Variants in SNX32 observed in about 807,000 individuals in gnomAD.
SNX32 encodes sorting nexin-32.
SNX32 carries 58 observed loss-of-function variants against 57.0 expected under a neutral mutation model. The observed-to-expected ratio is 1.02, with a 90% CI of 0.82 to 1.27. The LOEUF is 1.27. Ranked by LOEUF, SNX32 falls within the 50% of genes most tolerant of loss-of-function variation. The pLI, the probability that SNX32 is intolerant of heterozygous loss-of-function variation, is 0.00. For synonymous variants in SNX32, 262 were observed against 220.4 expected, an observed-to-expected ratio of 1.19 and a Z score of -1.67; for missense variants, 589 against 541.2, an observed-to-expected ratio of 1.09 and a Z score of -0.88.
chr11:65,852,584 C>A (rs376064835), intron 10 of SNX32, 33 bp downstream of exon 10: 1 of 1,613,984 alleles, frequency 6.2e-7, no homozygotes. Context: ...CGCTCAGGCC[C>A]GGATGCCAGG....
At position 65,839,223 on chromosome 11, in the gene SNX32, GTATTTT is replaced by G. The variant is rs1414367202; in HGVS notation, c.36+5124_36+5129del. Among the ~76,000 whole-genome samples the G allele has an allele frequency of 7.4e-4, 17 of 23,078 alleles. 3 individuals are homozygous for G. Among genetic ancestry groups the G allele is most frequent in the East Asian group, 1.7e-3 (1 of 606 alleles). 15.1% of individuals were successfully genotyped at this position (23,078 alleles called of 152,430 possible). The stretch of plus-strand genomic sequence containing the variant: ...CCCACCACGCCCAGCTAATTTTTTT[GTATTTT>G]TTTTTTTTTTTTTTTTTTGAGACGG... On this transcript the variant is annotated intron_variant, in intron 1 of 12. Transcript: ENST00000308342.
chr11:65,842,784 T>C (rs1858877425), intron 1 of SNX32, among the ~76,000 whole-genome samples: 1 of 150,336 alleles, frequency 6.7e-6, no homozygotes, highest in South Asian at 2.1e-4. Context: ...ACCCCGTCTC[T>C]ACTAAAAATA....
intron 8 of SNX32, 64 bp downstream of exon 8, chr11:65,851,467 G>A (rs949429279): frequency 3.8e-6 from 6 of 1,581,546 alleles, no homozygotes; most frequent in Admixed American, 1.7e-5. Flanking sequence ...CCCATGAGGG[G>A]TCACTCTGTA....
chr11:65,853,700 AAGG>A (rs1565257283), exon 13 of SNX32: 1 of 303,342 alleles, frequency 3.3e-6, no homozygotes, highest in Non-Finnish European at 6.3e-6. Context: ...GTTTTGTAGC[AAGG>A]AGGCCTGTTG....
At chr11:65,839,424 T>C (rs1213885979) in intron 1 of SNX32, among the ~76,000 whole-genome samples, 1 of 146,660 alleles carries the variant, frequency 6.8e-6, no homozygotes, top group African/African-American at 2.6e-5. Flanking sequence ...AGAGACGGGG[T>C]TTCACCGTTT....
At chr11:65,841,192 C>T (rs60917081) in intron 1 of SNX32, among the ~76,000 whole-genome samples, 3,582 of 150,130 alleles carry the variant, frequency 0.024, 141 homozygotes, top group African/African-American at 0.079. Flanking sequence ...GTGATCCACC[C>T]GCCTCGGCCT....
rs1555032605 is a variant in SNX32 at position 65,839,215 on chromosome 11, A to ATTTTTTTTTTTTTTTTTTTTTT, written c.36+5121_36+5122insTTTTTTTTTTTTTTTTTTTTTT. Among the ~76,000 whole-genome samples the ATTTTTTTTTTTTTTTTTTTTTT allele has an allele frequency of 3.1e-4, 6 of 19,530 alleles. 1 individual carries two copies. The highest frequency in any genetic ancestry group is 6.0e-4 in the Non-Finnish European group (5 of 8,378). The allele number at this position is 19,530 out of a possible 152,430, so 12.8% of individuals were successfully genotyped here. A position where few individuals can be genotyped will look rare whatever the true frequency, so the allele number is the denominator to read the frequency against. On this transcript the variant is annotated intron_variant, in intron 1 of 12. Transcript: ENST00000308342. ...AGCTGTGCCCCACCACGCCCAGCTAATTTTTTTGTATTTTTTTTTTTTTTT... is the reference window on the plus strand; with the variant it reads ...AGCTGTGCCCCACCACGCCCAGCTAATTTTTTTTTTTTTTTTTTTTTTTTTTTTTGTATTTTTTTTTTTTTTT...
rs1859133079 is a variant in SNX32, at chr11:65,850,251, G to A, written c.354G>A (p.Lys118=). The A allele has an allele frequency of 6.2e-7, 1 of 1,614,118 alleles. No individual in the cohort carries two copies. Among genetic ancestry groups the A allele is most frequent in the African/African-American group, 1.3e-5 (1 of 74,940 alleles). The stretch of plus-strand genomic sequence containing the variant: ...CTGTCACTCGGGAAGAGTTTGCCAA[G>A]ATGAAGCAGGAGCTGGAAGCGTGAG... ...DSSVTREEFA[K]MKQELEAEYL... is the part of the protein sequence containing the mutation. Residue 118 remains lysine, a synonymous_variant, in exon 4 of 13, where the codon AAG becomes AAA. Transcript: ENST00000308342.
intron 1 of SNX32, among the ~76,000 whole-genome samples, chr11:65,842,644 C>G (rs1858872116): frequency 1.3e-5 from 2 of 151,626 alleles, no homozygotes; most frequent in African/African-American, 4.9e-5. Flanking sequence ...CAAAGCAAGA[C>G]TCCATCTCAA....
chr11:65,847,648 ACCTGTAATCCC>A (rs1418002390), intron 1 of SNX32, among the ~76,000 whole-genome samples: 5 of 152,036 alleles, frequency 3.3e-5, no homozygotes, highest in Non-Finnish European at 5.9e-5. Flanking sequence ...AGTGGCTCAC[ACCTGTAATCCC>A]AGCACCTTGG....
At chr11:65,845,458 C>T (rs1221244254) in intron 1 of SNX32, among the ~76,000 whole-genome samples, 2 of 150,900 alleles carry the variant, frequency 1.3e-5, no homozygotes, top group African/African-American at 4.9e-5. Context: ...AAAAAGTAAC[C>T]GGTTGCAGTG....
chr11:65,850,338 A>G (rs1276251728), intron 4 of SNX32, 67 bp downstream of exon 4: 5 of 1,613,462 alleles, frequency 3.1e-6, no homozygotes, highest in Non-Finnish European at 4.2e-6. Context: ...TCTCCCCATG[A>G]ATGTTTAGCA....
At chr11:65,845,631 AG>A (rs1858971870) in intron 1 of SNX32, among the ~76,000 whole-genome samples, 1 of 150,656 alleles carries the variant, frequency 6.6e-6, no homozygotes. Flanking sequence ...CCAGCTACTC[AG>A]GAAGCTGAGG....
In SNX32 at chr11:65,850,055, G is replaced by C; in HGVS notation, c.252+25G>C. 6 of 1,614,108 alleles carry C rather than the reference G, an allele frequency of 3.7e-6. 1 individual carries two copies. The highest frequency in any genetic ancestry group is 4.2e-6 in the Non-Finnish European group (5 of 1,179,950). The stretch of plus-strand genomic sequence containing the variant: ...CGTGAGGAGGGGCTGGGCAGGGGCT[G>C]GGAGGGACAGGCAGAGCACTTGGGT... On this transcript the variant is annotated intron_variant, in intron 3 of 12. Coordinates refer to ENST00000308342, the MANE Select transcript of SNX32 (RefSeq NM_152760.3).
At chr11:65,835,271 C>G (rs1045724104) in intron 1 of SNX32, among the ~76,000 whole-genome samples, 1 of 145,034 alleles carries the variant, frequency 6.9e-6, no homozygotes, top group African/African-American at 2.5e-5. Context: ...GAAAGGGACC[C>G]GTCACTGTCA....
At chr11:65,834,874 G>T (rs1441336654) in intron 1 of SNX32, among the ~76,000 whole-genome samples, 1 of 151,334 alleles carries the variant, frequency 6.6e-6, no homozygotes, top group Non-Finnish European at 1.5e-5. Context: ...GCATGTGTCT[G>T]TGTGTGTCTG....
At chr11:65,839,244 T>TTTTTTTTTTTTTTTTTTTTTG (rs1417763184) in intron 1 of SNX32, among the ~76,000 whole-genome samples, 1 of 69,376 alleles carries the variant, frequency 1.4e-5, no homozygotes, top group African/African-American at 4.8e-5. Context: ...TTTTTTTTTT[T>TTTTTTTTTTTTTTTTTTTTTG]TTTGAGACGG....
chr11:65,851,301 G>A (rs1164424351), intron 7 of SNX32, 27 bp from the exon 8 acceptor site: 1 of 1,613,322 alleles, frequency 6.2e-7, no homozygotes, highest in Non-Finnish European at 8.5e-7. Flanking sequence ...AGATGTAGGG[G>A]CTCTGATGGG....
intron 1 of SNX32, among the ~76,000 whole-genome samples, chr11:65,845,135 TAA>T (rs766803127): frequency 4.4e-4 from 45 of 101,928 alleles, no homozygotes; most frequent in Admixed American, 8.5e-4. Context: ...CCCCCTGCTT[TAA>T]AAAAAAAAAA....
Sources: allele counts gnomAD v4.1 joint callset (sites outside exome capture counted in the v4.1 genomes callset), GRCh38; gene constraint gnomAD v4.1.1; transcripts MANE v1.5; gene names NCBI Gene and HGNC (gene_info 2026-07-23, HGNC 2026-07-21).